COL4A2: variants seen among roughly 807,000 people sequenced by gnomAD.
The protein encoded by COL4A2 is collagen alpha-2(IV) chain.
Under a neutral mutation model 200.2 loss-of-function variants are expected in COL4A2, and 99 were observed. That is an observed-to-expected ratio of 0.49 (90% confidence interval 0.42 to 0.58). The LOEUF (loss-of-function observed/expected upper bound fraction) is 0.58. COL4A2 is among the 20% of genes least tolerant of loss of function. The pLI, the probability that COL4A2 is intolerant of heterozygous loss-of-function variation, is 0.00. For missense variants in COL4A2, 1,950 were observed against 2,314.1 expected (o/e 0.84, Z 3.23); for synonymous variants, 897 against 900.6 (o/e 1.00, Z 0.07).
In COL4A2 at chr13:110,408,824, T is replaced by C. The variant is rs200675795; in HGVS notation, c.181-15910T>C. 7.7e-4 allele frequency among the ~76,000 whole-genome samples: 83 copies of C among 108,496 alleles called. 6 individuals carry two copies. The highest frequency in any genetic ancestry group is 3.1e-3 in the South Asian group (10 of 3,230). The allele number at this position is 108,496 out of a possible 152,430, so 71.2% of individuals were successfully genotyped here. A position where few individuals can be genotyped will look rare whatever the true frequency, so the allele number is the denominator to read the frequency against. On this transcript the variant is annotated intron_variant, in intron 4 of 47. Coordinates refer to ENST00000360467, the MANE Select transcript of COL4A2 (RefSeq NM_001846.4). ...GCACACATATATATACACACACACATGCACACACACATACACGCACACATA... is the reference window on the plus strand; with the variant it reads ...GCACACATATATATACACACACACACGCACACACACATACACGCACACATA...
chr13:110,493,062 CGATGAGTGA>C, intron 38 of COL4A2, 140 bp from the exon 39 acceptor site: 2 of 865,984 alleles, frequency 2.3e-6, no homozygotes, highest in Non-Finnish European at 3.6e-6. Context: ...GGTGAAATAA[CGATGAGTGA>C]CACCCCCATG....
chr13:110,384,792 G>C (rs1878619743), intron 4 of COL4A2, among the ~76,000 whole-genome samples: 2 of 152,192 alleles, frequency 1.3e-5, no homozygotes, highest in African/African-American at 2.4e-5. Context: ...CGAGCTTCTG[G>C]AGGATGCTCC....
At chr13:110,424,632 T>C (rs900964938) in intron 4 of COL4A2, 102 bp from the exon 5 acceptor site, 5 of 718,304 alleles carry the variant, frequency 7.0e-6, no homozygotes, top group African/African-American at 6.0e-5. Context: ...ATTATAGCTC[T>C]TTAAAAACAA....
chr13:110,417,583 T>C (rs961540811), intron 4 of COL4A2, among the ~76,000 whole-genome samples: 4 of 152,190 alleles, frequency 2.6e-5, no homozygotes, highest in Admixed American at 6.5e-5. Flanking sequence ...GAAGGTCCAT[T>C]ACCCCAGAAA....
At chr13:110,417,344 T>A (rs183233162) in intron 4 of COL4A2, among the ~76,000 whole-genome samples, 9 of 152,258 alleles carry the variant, frequency 5.9e-5, no homozygotes, top group Admixed American at 5.2e-4. Context: ...TTTCGAACTG[T>A]TCTCTATCAC....
intron 4 of COL4A2, among the ~76,000 whole-genome samples, chr13:110,412,457 C>G (rs150410087): frequency 6.6e-6 from 1 of 152,188 alleles, no homozygotes; most frequent in Admixed American, 6.5e-5. Flanking sequence ...CACGTCACTC[C>G]GAATCTGCTG....
At position 110,511,636 on chromosome 13, in the gene COL4A2, G is replaced by A. The variant is rs533223561; in HGVS notation, c.4882-298G>A. On this transcript the variant is annotated intron_variant, in intron 47 of 47. Transcript: ENST00000360467. The stretch of plus-strand genomic sequence containing the variant: ...ATGCAGTGGATTATATCTACCGCTC[G>A]TATCTGCTGTCACGGCTCTAGTTCT... 5.3e-5 allele frequency among the ~76,000 whole-genome samples: 8 copies of A among 152,302 alleles called. No homozygotes were observed. In the East Asian group the frequency reaches 7.7e-4, roughly 15 times the overall value.
intron 4 of COL4A2, among the ~76,000 whole-genome samples, chr13:110,368,242 G>A (rs1356633983): frequency 1.3e-5 from 2 of 152,094 alleles, no homozygotes; most frequent in Non-Finnish European, 2.9e-5. Context: ...CTTAAGGAAA[G>A]ACAAAAAGGC....
intron 4 of COL4A2, among the ~76,000 whole-genome samples, 158 bp from the exon 5 acceptor site, chr13:110,424,576 G>A (rs997066130): frequency 6.6e-6 from 1 of 150,464 alleles, no homozygotes; most frequent in Non-Finnish European, 1.5e-5. Context: ...TCTTTTGTTA[G>A]CTATCATGGC....
At chr13:110,354,269 G>T (rs1352376540) in intron 3 of COL4A2, among the ~76,000 whole-genome samples, 1 of 152,152 alleles carries the variant, frequency 6.6e-6, no homozygotes, top group Admixed American at 6.5e-5. Context: ...TCTGCCAAGC[G>T]CCTGTTCATG....
rs7983449 is a variant in COL4A2 at position 110,438,382 on chromosome 13, C to T, written c.862-236C>T. On this transcript the variant is annotated intron_variant, in intron 14 of 47. Transcript: ENST00000360467. Reference sequence around the variant, plus strand: ...TCCTCAGAGCTCCAGCTCTCCCTCGCGGTCGCTTACCACGTGACATGACAC... The same window carrying T: ...TCCTCAGAGCTCCAGCTCTCCCTCGTGGTCGCTTACCACGTGACATGACAC... Among the ~76,000 whole-genome samples, 53,932 of 152,174 alleles carry T rather than the reference C, an allele frequency of 0.35. 10,322 individuals carry two copies. The highest frequency in any genetic ancestry group is 0.51 in the African/African-American group (21,220 of 41,506).
chr13:110,380,497 A>G (rs895363513), intron 4 of COL4A2, among the ~76,000 whole-genome samples: 2 of 152,198 alleles, frequency 1.3e-5, no homozygotes, highest in Non-Finnish European at 2.9e-5. Flanking sequence ...GTGCTGACTC[A>G]TCGGATTCTC....
At position 110,508,357 on chromosome 13, in the gene COL4A2, G is replaced by A. The variant is rs996725263; in HGVS notation, c.4881+136G>A. The A allele has an allele frequency of 5.1e-6, 7 of 1,381,170 alleles. No homozygotes were observed. The highest frequency in any genetic ancestry group is 2.1e-5 in the Admixed American group (1 of 47,554). 85.6% of individuals were successfully genotyped at this position (1,381,170 alleles called of 1,614,324 possible). On this transcript the variant is annotated intron_variant, in intron 47 of 47. Coordinates refer to ENST00000360467, the MANE Select transcript of COL4A2 (RefSeq NM_001846.4). The surrounding 1 kb of genome is among the most constrained non-coding windows in gnomAD (Gnocchi z 6.1). ...CACAAGGGTAGTTGGCCCAGGAAGC[G>A]AGCGAGAGCTGGAACACAGCTTACA...
intron 4 of COL4A2, among the ~76,000 whole-genome samples, chr13:110,394,343 TC>T (rs997894967): frequency 2.0e-5 from 3 of 152,196 alleles, no homozygotes; most frequent in African/African-American, 7.2e-5. Context: ...TTGCCACTTG[TC>T]CACTGTTTCT....
chr13:110,344,390 G>A (rs926520465), intron 3 of COL4A2, among the ~76,000 whole-genome samples: 2 of 152,198 alleles, frequency 1.3e-5, no homozygotes, highest in African/African-American at 4.8e-5. Context: ...CGACAACATT[G>A]AGGTTTAAAT....
chr13:110,449,841 G>C, intron 19 of COL4A2, 52 bp downstream of exon 19: 1 of 1,511,332 alleles, frequency 6.6e-7, no homozygotes, highest in Non-Finnish European at 8.9e-7. Flanking sequence ...CCTGCACTCA[G>C]GTCCTAGCAC....
chr13:110,433,060 G>C (rs374302376), intron 11 of COL4A2, among the ~76,000 whole-genome samples: 226 of 152,348 alleles, frequency 1.5e-3, no homozygotes, highest in African/African-American at 5.2e-3. Flanking sequence ...AAGCATCTAG[G>C]AACGTTTCCT....
At chr13:110,379,177 A>G (rs898849797) in intron 4 of COL4A2, among the ~76,000 whole-genome samples, 5 of 152,216 alleles carry the variant, frequency 3.3e-5, no homozygotes, top group African/African-American at 1.2e-4. Flanking sequence ...CATACTGTGG[A>G]GAGGGTGTTT....
intron 3 of COL4A2, among the ~76,000 whole-genome samples, chr13:110,327,307 G>C (rs1885444643): frequency 1.3e-5 from 2 of 152,172 alleles, no homozygotes; most frequent in Non-Finnish European, 2.9e-5. Flanking sequence ...CCCTTCCCGG[G>C]GGGTCCTCAC....
Sources: gnomAD v4.1 joint callset for allele counts (sites outside exome capture counted in the v4.1 genomes callset) on GRCh38, gnomAD v4.1.1 for gene constraint, Gnocchi (gnomAD v3.1) non-coding constraint, MANE v1.5 for transcripts, NCBI Gene and HGNC (gene_info 2026-07-23, HGNC 2026-07-21) for gene names.